The following ULK4 variants were observed in gnomAD, a reference collection of about 807,000 sequenced individuals.
ULK4 encodes the protein inactive serine/threonine-protein kinase ULK4.
Under a neutral mutation model 160.6 loss-of-function variants are expected in ULK4, and 133 were observed. That is an observed-to-expected ratio of 0.83 (90% confidence interval 0.72 to 0.96). ULK4 has a LOEUF of 0.96. ULK4 is among the 40% of genes least tolerant of loss of function. The pLI is 0.00. For missense variants in ULK4, 1,580 were observed against 1,499.5 expected (o/e 1.05, Z -0.89); for synonymous variants, 534 against 539.8 (o/e 0.99, Z 0.15).
At chr3:41,828,472 T>G (rs1280755673) in intron 18 of ULK4, among the ~76,000 whole-genome samples, 1 of 140,028 alleles carries the variant, frequency 7.1e-6, no homozygotes, top group African/African-American at 3.0e-5. Context: ...AAAATCAATG[T>G]ACAAAAATCA....
chr3:41,492,713 A>C (rs1428494752), intron 32 of ULK4, among the ~76,000 whole-genome samples: 1 of 151,996 alleles, frequency 6.6e-6, no homozygotes, highest in African/African-American at 2.4e-5. Flanking sequence ...CATAGGCTCA[A>C]AATAAAAGGA....
At chr3:41,417,118 G>A (rs763834306) in intron 34 of ULK4, among the ~76,000 whole-genome samples, 12 of 152,180 alleles carry the variant, frequency 7.9e-5, no homozygotes, top group Non-Finnish European at 1.5e-4. Flanking sequence ...CTCTACGCAC[G>A]TGAGAGACAG....
chr3:41,744,948 C>T (rs1433574765), intron 22 of ULK4, among the ~76,000 whole-genome samples: 2 of 151,530 alleles, frequency 1.3e-5, no homozygotes, highest in Non-Finnish European at 1.5e-5. Flanking sequence ...TTAAATAAGA[C>T]ATCCCTAAAT....
chr3:41,724,466 T>C (rs773162049), intron 22 of ULK4, among the ~76,000 whole-genome samples: 4 of 152,170 alleles, frequency 2.6e-5, no homozygotes, highest in Non-Finnish European at 4.4e-5. Context: ...GGCTCACATC[T>C]GTAATCCCAG....
intron 35 of ULK4, among the ~76,000 whole-genome samples, chr3:41,267,821 A>G (rs573370783): frequency 1.3e-5 from 2 of 152,314 alleles, no homozygotes; most frequent in African/African-American, 4.8e-5. Context: ...GTGACTAGCC[A>G]TGGTCTTCCT....
intron 32 of ULK4, among the ~76,000 whole-genome samples, chr3:41,541,169 T>C (rs1315177332): frequency 3.3e-5 from 5 of 152,146 alleles, no homozygotes; most frequent in Non-Finnish European, 7.4e-5. Context: ...TTATCTTACA[T>C]TGAAGTCTTT....
intron 27 of ULK4, among the ~76,000 whole-genome samples, chr3:41,701,081 A>G (rs1288538244): frequency 2.6e-5 from 4 of 152,166 alleles, no homozygotes; most frequent in Non-Finnish European, 5.9e-5. Flanking sequence ...AAAGACAGTA[A>G]GAATTAGAAA....
intron 17 of ULK4, among the ~76,000 whole-genome samples, chr3:41,863,479 C>T (rs2042551256): frequency 6.6e-6 from 1 of 151,490 alleles, no homozygotes; most frequent in Non-Finnish European, 1.5e-5. Flanking sequence ...GACAAAGTCC[C>T]CTTTACTTTT....
chr3:41,875,207 A>C (rs1457688618), intron 17 of ULK4, among the ~76,000 whole-genome samples: 1 of 152,192 alleles, frequency 6.6e-6, no homozygotes, highest in African/African-American at 2.4e-5. Flanking sequence ...TAAATTTCAA[A>C]AACAATAATG....
intron 17 of ULK4, among the ~76,000 whole-genome samples, chr3:41,876,661 G>A (rs1004459110): frequency 2.0e-5 from 3 of 152,170 alleles, no homozygotes; most frequent in Non-Finnish European, 4.4e-5. Context: ...CCCATCACCA[G>A]TGATGTAGTA....
intron 31 of ULK4, among the ~76,000 whole-genome samples, chr3:41,604,860 G>A (rs978386366): frequency 1.3e-5 from 2 of 152,076 alleles, no homozygotes; most frequent in African/African-American, 2.4e-5. Context: ...GCAGCAGAGA[G>A]GGGATAAATA....
chr3:41,547,448 G>A (rs940892411), intron 32 of ULK4, among the ~76,000 whole-genome samples: 27 of 152,262 alleles, frequency 1.8e-4, no homozygotes, highest in African/African-American at 6.3e-4. Context: ...AGCCCAGAGA[G>A]GCTCTCCAGT....
chr3:41,819,137 G>A (rs544098227), intron 19 of ULK4, among the ~76,000 whole-genome samples: 8 of 152,228 alleles, frequency 5.3e-5, no homozygotes, highest in South Asian at 4.1e-4. Context: ...GGGGGAGTGC[G>A]GAGGGTAATT....
chr3:41,923,814 C>T (rs534457147), intron 5 of ULK4, among the ~76,000 whole-genome samples: 29 of 152,262 alleles, frequency 1.9e-4, no homozygotes, highest in Non-Finnish European at 3.8e-4. Flanking sequence ...ATAAATCAGC[C>T]CAGATTTCTA....
At chr3:41,878,832 T>A (rs1697407168) in intron 17 of ULK4, among the ~76,000 whole-genome samples, 1 of 152,142 alleles carries the variant, frequency 6.6e-6, no homozygotes, top group Non-Finnish European at 1.5e-5. Context: ...TAATGTTTAA[T>A]TGTCTCACTT....
chr3:41,475,744 C>A (rs1449387626), intron 32 of ULK4, among the ~76,000 whole-genome samples: 1 of 152,180 alleles, frequency 6.6e-6, no homozygotes, highest in Non-Finnish European at 1.5e-5. Context: ...TTACTAGGTA[C>A]TGTGGACTGA....
In ULK4 at chr3:41,529,579, G is replaced by T. The variant is rs1162707261; in HGVS notation, c.3226+36446C>A. 7.2e-5 allele frequency among the ~76,000 whole-genome samples: 11 copies of T among 152,266 alleles called. No individual in the cohort carries two copies. The East Asian group carries it at 1.9e-3, about 27-fold the overall frequency. ...GGCTCACTGCAACCTCTGCCTCCCA[G>T]GTCCAAGCAATTCTTGTGCCTCAGT... On this transcript the variant is annotated intron_variant, in intron 32 of 36. Coordinates refer to ENST00000301831, the MANE Select transcript of ULK4 (RefSeq NM_017886.4).
At chr3:41,689,186 G>A (rs1412502592) in intron 27 of ULK4, among the ~76,000 whole-genome samples, 1 of 152,118 alleles carries the variant, frequency 6.6e-6, no homozygotes, top group Non-Finnish European at 1.5e-5. Context: ...CCAAATGCTA[G>A]TGATGTTGGC....
At chr3:41,869,121 T>G (rs1163183734) in intron 17 of ULK4, 1 of 152,156 alleles carries the variant, frequency 6.6e-6, no homozygotes, top group Non-Finnish European at 1.5e-5. Flanking sequence ...TCTCTTCTAT[T>G]CACTATTTAG....
Sources: gnomAD v4.1 joint callset for allele counts (sites outside exome capture counted in the v4.1 genomes callset) on GRCh38, gnomAD v4.1.1 for gene constraint, MANE v1.5 for transcripts, NCBI Gene and HGNC (gene_info 2026-07-23, HGNC 2026-07-21) for gene names.